BMPR1A: variants seen among roughly 807,000 people sequenced by gnomAD.
BMPR1A encodes the protein bone morphogenetic protein receptor type 1A.
BMPR1A carries 7 observed loss-of-function variants against 66.0 expected under a neutral mutation model. The observed-to-expected ratio is 0.11, with a 90% confidence interval of 0.06 to 0.20. BMPR1A has a LOEUF of 0.20. Ranked by LOEUF, BMPR1A falls within the 10% of genes least tolerant of loss-of-function variation. The pLI is 1.00. For missense variants in BMPR1A, 408 were observed against 669.1 expected (o/e 0.61, Z 4.31); for synonymous variants, 200 against 229.7 (o/e 0.87, Z 1.17).
intron 1 of BMPR1A, among the ~76,000 whole-genome samples, chr10:86,825,308 T>C (rs1842178882): frequency 6.6e-6 from 1 of 152,120 alleles, no homozygotes; most frequent in Non-Finnish European, 1.5e-5. Context: ...GTTTTATCTA[T>C]TTTAGCAGTG....
intron 1 of BMPR1A, among the ~76,000 whole-genome samples, chr10:86,789,314 C>T (rs1156953826): frequency 6.6e-6 from 1 of 152,106 alleles, no homozygotes; most frequent in Admixed American, 6.6e-5. Context: ...AAATTAAAAA[C>T]CTGTGTGCAT....
At position 86,923,941 on chromosome 10, in the gene BMPR1A, A is replaced by G; in HGVS notation, c.*222A>G. 1.7e-6 allele frequency: 1 copy of G among 584,446 alleles called. No individual in the cohort carries two copies. Among genetic ancestry groups the G allele is most frequent in the Non-Finnish European group, 3.0e-6 (1 of 335,502 alleles). 36.2% of individuals were successfully genotyped at this position (584,446 alleles called of 1,614,324 possible). ...TTATATATGGACAGCTTTATTTTAA[A>G]TGTGGTTTTTGATGCCTTTTTTTAA... On this transcript the variant is annotated 3_prime_UTR_variant, in exon 13 of 13. Coordinates refer to ENST00000372037, the MANE Select transcript of BMPR1A (RefSeq NM_004329.3).
At chr10:86,919,659 G>GAT (rs756284240) in intron 10 of BMPR1A, among the ~76,000 whole-genome samples, 190 bp downstream of exon 10, 15 of 151,240 alleles carry the variant, frequency 9.9e-5, no homozygotes, top group South Asian at 2.1e-4. Flanking sequence ...CATAATTCTT[G>GAT]ATATATATAT....
intron 1 of BMPR1A, among the ~76,000 whole-genome samples, chr10:86,831,618 T>C (rs551708615): frequency 6.6e-6 from 1 of 152,264 alleles, no homozygotes; most frequent in African/African-American, 2.4e-5. Flanking sequence ...CAAAAAATTA[T>C]CCAGGCTTGT....
At chr10:86,868,774 C>CTG (rs1245266309) in intron 2 of BMPR1A, among the ~76,000 whole-genome samples, 1 of 120,246 alleles carries the variant, frequency 8.3e-6, no homozygotes, top group Non-Finnish European at 1.7e-5. Context: ...CAGCCTTTTC[C>CTG]TGTGTTTTTT....
At chr10:86,766,438 A>G (rs1214540336) in intron 1 of BMPR1A, among the ~76,000 whole-genome samples, 1 of 152,070 alleles carries the variant, frequency 6.6e-6, no homozygotes, top group African/African-American at 2.4e-5. Flanking sequence ...GTGTTTGTAC[A>G]TATCCTTTGA....
intron 1 of BMPR1A, among the ~76,000 whole-genome samples, chr10:86,792,142 A>G (rs1589718410): frequency 7.6e-6 from 1 of 132,360 alleles, no homozygotes; most frequent in Non-Finnish European, 1.5e-5. Flanking sequence ...ATCTCTGCTC[A>G]CTGCAACCTC....
intron 10 of BMPR1A, among the ~76,000 whole-genome samples, chr10:86,919,788 AC>A (rs1259883463): frequency 1.3e-5 from 2 of 151,944 alleles, no homozygotes; most frequent in Admixed American, 6.6e-5. Context: ...GCTCACTGCA[AC>A]CTCGACCTCA....
intron 1 of BMPR1A, among the ~76,000 whole-genome samples, chr10:86,789,511 G>A (rs927692202): frequency 7.9e-5 from 12 of 152,074 alleles, no homozygotes; most frequent in African/African-American, 2.4e-4. Context: ...TCAGGAGTTC[G>A]AGACCAGCCT....
chr10:86,789,200 A>G (rs1841562845), intron 1 of BMPR1A, among the ~76,000 whole-genome samples: 1 of 152,250 alleles, frequency 6.6e-6, no homozygotes, highest in African/African-American at 2.4e-5. Context: ...CTTAGAAGAA[A>G]ACATAGGTAT....
chr10:86,885,365 G>A (rs953812367), intron 3 of BMPR1A, among the ~76,000 whole-genome samples: 3 of 151,948 alleles, frequency 2.0e-5, no homozygotes, highest in Admixed American at 6.6e-5. Flanking sequence ...GCATTGTGTC[G>A]GCAGAATTGA....
intron 3 of BMPR1A, among the ~76,000 whole-genome samples, chr10:86,889,131 A>G (rs1426346994): frequency 1.3e-5 from 2 of 152,196 alleles, no homozygotes; most frequent in African/African-American, 4.8e-5. Flanking sequence ...TTACTAGAAC[A>G]GTTTTTTTAG....
At chr10:86,902,045 G>T (rs1464593774) in intron 7 of BMPR1A, among the ~76,000 whole-genome samples, 1 of 152,010 alleles carries the variant, frequency 6.6e-6, no homozygotes, top group Non-Finnish European at 1.5e-5. Flanking sequence ...TTTTAGTAAA[G>T]ACGGGGGTTT....
At chr10:86,907,514 G>C (rs543199271) in intron 7 of BMPR1A, among the ~76,000 whole-genome samples, 2 of 152,216 alleles carry the variant, frequency 1.3e-5, no homozygotes, top group African/African-American at 4.8e-5. Context: ...TATATTGAAG[G>C]CCTGTTCATT....
chr10:86,789,727 A>C (rs1403524269), intron 1 of BMPR1A, among the ~76,000 whole-genome samples: 1 of 97,464 alleles, frequency 1.0e-5, no homozygotes, highest in African/African-American at 2.9e-5. Flanking sequence ...AAAAAAAAAC[A>C]AACAAACACG....
chr10:86,844,172 C>T (rs544108001), intron 2 of BMPR1A, among the ~76,000 whole-genome samples: 168 of 152,152 alleles, frequency 1.1e-3, no homozygotes, highest in Admixed American at 2.0e-3. Flanking sequence ...GTTTTTTTGG[C>T]ATTATTTTTC....
At position 86,923,517 on chromosome 10, in the gene BMPR1A, C is replaced by G. The variant is rs1554891622; in HGVS notation, c.1473+11C>G. On this transcript the variant is annotated intron_variant, in intron 12 of 12. Transcript: ENST00000372037. ...TGGAACAGTGATGAAGTGAGTGGAACTCAGTCCCCTGAAGAAGTGATTCGT... is the reference window on the plus strand; with the variant it reads ...TGGAACAGTGATGAAGTGAGTGGAAGTCAGTCCCCTGAAGAAGTGATTCGT... The G allele has an allele frequency of 2.5e-6, 4 of 1,614,096 alleles. No individual in the cohort carries two copies. In the Admixed American group the frequency reaches 6.7e-5, roughly 27 times the overall value.
At chr10:86,851,595 A>C (rs1227763912) in intron 2 of BMPR1A, among the ~76,000 whole-genome samples, 1 of 152,214 alleles carries the variant, frequency 6.6e-6, no homozygotes, top group Non-Finnish European at 1.5e-5. Context: ...GGGACTCCTC[A>C]AGCAGCCTAA....
In BMPR1A at chr10:86,892,187, T is replaced by C; in HGVS notation, c.291T>C (p.Ala97=). The part of the protein sequence containing the change: ...EEDDQGETTL[A]SGCMKYEGSD... The stretch of plus-strand genomic sequence containing the variant: ...ATGACCAGGGAGAAACCACATTAGC[T>C]TCAGGGTGTATGAAATATGAAGGAT... The change falls in exon 5 of 13, where the codon GCT becomes GCC. Residue 97 remains alanine (A), a synonymous_variant. Coordinates refer to ENST00000372037, the MANE Select transcript of BMPR1A (RefSeq NM_004329.3). 1 of 1,614,030 alleles carries C rather than the reference T, an allele frequency of 6.2e-7. No homozygotes were observed.
Sources: gnomAD v4.1 joint callset for allele counts (sites outside exome capture counted in the v4.1 genomes callset) on GRCh38, gnomAD v4.1.1 for gene constraint, MANE v1.5 for transcripts, NCBI Gene and HGNC (gene_info 2026-07-23, HGNC 2026-07-21) for gene names.